Variants in NET1 observed in about 807,000 individuals in gnomAD.
The protein encoded by NET1 is neuroepithelial cell-transforming gene 1 protein.
NET1 carries 42 observed loss-of-function variants against 61.1 expected under a neutral mutation model. The ratio of observed to expected loss-of-function variants is 0.69; its 90% CI spans 0.54 to 0.89. The LOEUF (loss-of-function observed/expected upper bound fraction) is 0.89. Among genes scored for constraint, NET1 ranks in the 40% least tolerant of loss-of-function variants. NET1 has a pLI of 0.00. For missense variants in NET1, 654 were observed against 747.3 expected (o/e 0.88, Z 1.46); for synonymous variants, 254 against 281.8 (o/e 0.90, Z 0.99).
In NET1 at chr10:5,451,070, C is replaced by T. The variant is rs1832695211; in HGVS notation, c.256-760C>T. ...GTAATAGCTCAAACTGAGTATGTGC[C>T]AGGCACTGTTTCAAGCCATATTATT... On this transcript the variant is annotated intron_variant, in intron 3 of 11. Transcript: ENST00000355029. The surrounding 1 kb of genome is among the most constrained non-coding windows in gnomAD (Gnocchi z 6.1). Among the ~76,000 whole-genome samples, 1 of 152,058 alleles carries T rather than the reference C, an allele frequency of 6.6e-6. No individual in the cohort carries two copies.
intron 3 of NET1, among the ~76,000 whole-genome samples, chr10:5,450,384 C>A (rs1481357983): frequency 6.6e-6 from 1 of 151,896 alleles, no homozygotes; most frequent in Non-Finnish European, 1.5e-5. Context: ...ACATTTCTTT[C>A]CAAATAATGT....
Position 5,412,672 on chromosome 10 carries a change from C to G in NET1, c.-21C>G. On this transcript the variant is annotated 5_prime_UTR_variant, in exon 1 of 12. Coordinates refer to ENST00000355029, the MANE Select transcript of NET1 (RefSeq NM_001047160.3). This position sits in a 1 kb window ranked among gnomAD's most constrained non-coding sequence, Gnocchi z 6.5. ...CGGTCTCCCGGGCACCCGGCCACCG[C>G]CCCACCCCCTCCTCCGTGCCATGGA... 1 of 1,461,558 alleles carries G rather than the reference C, an allele frequency of 6.8e-7. No individual in the cohort carries two copies. Among genetic ancestry groups the G allele is most frequent in the Non-Finnish European group, 8.9e-7 (1 of 1,118,284 alleles). 90.5% of individuals were successfully genotyped at this position (1,461,558 alleles called of 1,614,324 possible). A position where few individuals can be genotyped will look rare whatever the true frequency, so the allele number is the denominator to read the frequency against.
At position 5,454,931 on chromosome 10, in the gene NET1, T is replaced by C; in HGVS notation, c.1027-17T>C. On this transcript the variant is annotated splice_polypyrimidine_tract_variant and intron_variant, in intron 9 of 11. Coordinates refer to ENST00000355029, the MANE Select transcript of NET1 (RefSeq NM_001047160.3). This position sits in a 1 kb window ranked among gnomAD's most constrained non-coding sequence, Gnocchi z 8.1. ...ATAAACTGAAGCTGCTCTGTCAATT[T>C]TATTTATCATTTTCAGATATTGATA... The C allele has an allele frequency of 6.2e-7, 1 of 1,611,168 alleles. No individual in the cohort carries two copies. The highest frequency in any genetic ancestry group is 8.5e-7 in the Non-Finnish European group (1 of 1,177,960).
Position 5,435,213 on chromosome 10 carries a change from A to G in NET1, c.255+5984A>G, listed in dbSNP as rs1832408774. 6.6e-6 allele frequency among the ~76,000 whole-genome samples: 1 copy of G among 152,168 alleles called. No homozygotes were observed. Among genetic ancestry groups the G allele is most frequent in the African/African-American group, 2.4e-5 (1 of 41,444 alleles). On this transcript the variant is annotated intron_variant, in intron 3 of 11. Transcript: ENST00000355029. The surrounding 1 kb of genome is among the most constrained non-coding windows in gnomAD (Gnocchi z 5.0). Reference sequence around the variant, plus strand: ...ATATGAATGGAGGAATAGGGGAGGAAATGAGGATAAGTGACATTGGGACCT... The same window carrying G: ...ATATGAATGGAGGAATAGGGGAGGAGATGAGGATAAGTGACATTGGGACCT...
At position 5,447,446 on chromosome 10, in the gene NET1, C is replaced by T. The variant is rs544881374; in HGVS notation, c.256-4384C>T. Among the ~76,000 whole-genome samples the T allele has an allele frequency of 2.0e-5, 3 of 152,234 alleles. No homozygotes were observed. In the East Asian group the frequency reaches 5.8e-4, roughly 29 times the overall value. On this transcript the variant is annotated intron_variant, in intron 3 of 11. Coordinates refer to ENST00000355029, the MANE Select transcript of NET1 (RefSeq NM_001047160.3). This position sits in a 1 kb window ranked among gnomAD's most constrained non-coding sequence, Gnocchi z 4.1. Reference sequence around the variant, plus strand: ...ACATTTATCAATATAAATCAAATTACTTTATGCCATTTTATGTAATCTTGA... The same window carrying T: ...ACATTTATCAATATAAATCAAATTATTTTATGCCATTTTATGTAATCTTGA...
At chr10:5,438,424 A>C (rs6601970) in intron 3 of NET1, among the ~76,000 whole-genome samples, 1 of 152,242 alleles carries the variant, frequency 6.6e-6, no homozygotes, top group South Asian at 2.1e-4. Flanking sequence ...CATATTGTAC[A>C]GAAATAAAAA....
chr10:5,419,236 TTTA>T (rs1419996485), intron 1 of NET1, among the ~76,000 whole-genome samples: 1 of 152,238 alleles, frequency 6.6e-6, no homozygotes, highest in Non-Finnish European at 1.5e-5. Flanking sequence ...TGTTTATCCC[TTTA>T]TTTTCAAGCT....
rs1291658152 is a variant in NET1, at chr10:5,458,871, T to G, written c.*1877T>G. On this transcript the variant is annotated 3_prime_UTR_variant, in exon 12 of 12. Transcript: ENST00000355029. This position sits in a 1 kb window ranked among gnomAD's most constrained non-coding sequence, Gnocchi z 4.5. ...AGATTTCTAATCATTTCCAGAGGTG[T>G]TGTATAGAATAGTTATTCCAGAGTT... Among the ~76,000 whole-genome samples, 1 of 152,188 alleles carries G rather than the reference T, an allele frequency of 6.6e-6. No individual in the cohort carries two copies. Among genetic ancestry groups the G allele is most frequent in the Non-Finnish European group, 1.5e-5 (1 of 68,030 alleles).
rs759987982 is a variant in NET1 at position 5,454,355 on chromosome 10, C to A, written c.859C>A (p.Gln287Lys). The A allele has an allele frequency of 6.2e-7, 1 of 1,614,022 alleles. No homozygotes were observed. The highest frequency in any genetic ancestry group is 8.5e-7 in the Non-Finnish European group (1 of 1,180,028). ...TCAAAAGAAACAGGATCCAAGAGTC[C>A]AAGACTTCCTCCAGCGATGTCTCGA... is the stretch of plus-strand genomic sequence containing the variant. The part of the protein sequence containing the change: ...LDQKKQDPRV[Q>K]DFLQRCLESP... Residue 287 changes from glutamine to lysine, a missense_variant, in exon 9 of 12, where the codon CAA (glutamine) becomes AAA (lysine). Physicochemically the swap from Gln to Lys is moderately conservative, Grantham distance 53. Transcript: ENST00000355029. This position sits in a 1 kb window ranked among gnomAD's most constrained non-coding sequence, Gnocchi z 8.1.
chr10:5,443,953 T>C lies in NET1; in HGVS notation c.256-7877T>C, dbSNP rs1458800892. Among the ~76,000 whole-genome samples the C allele has an allele frequency of 6.6e-6, 1 of 152,238 alleles. No individual in the cohort carries two copies. The highest frequency in any genetic ancestry group is 1.5e-5 in the Non-Finnish European group (1 of 68,042). ...TAATCCTTTATTCCCTTAGAAACTA[T>C]GTGGCCGTAAAGTATTGGCCTTACT... On this transcript the variant is annotated intron_variant, in intron 3 of 11. Coordinates refer to ENST00000355029, the MANE Select transcript of NET1 (RefSeq NM_001047160.3). This position sits in a 1 kb window ranked among gnomAD's most constrained non-coding sequence, Gnocchi z 4.8.
At chr10:5,432,626 G>A (rs1174556152) in intron 3 of NET1, among the ~76,000 whole-genome samples, 3 of 151,786 alleles carry the variant, frequency 2.0e-5, no homozygotes, top group African/African-American at 4.8e-5. Flanking sequence ...TTGTGTGACA[G>A]AATTATGTAG....
At position 5,453,416 on chromosome 10, in the gene NET1, C is replaced by G; in HGVS notation, c.692-68C>G. 2 of 1,582,658 alleles carry G rather than the reference C, an allele frequency of 1.3e-6. No homozygotes were observed. Among genetic ancestry groups the G allele is most frequent in the South Asian group, 2.2e-5 (2 of 90,476 alleles). ...TGCATGTAATTTTCAGTCTAAACTT[C>G]TAATGTAGTGCTGACCTATTTTTTA... On this transcript the variant is annotated intron_variant, in intron 7 of 11. Coordinates refer to ENST00000355029, the MANE Select transcript of NET1 (RefSeq NM_001047160.3). This position sits in a 1 kb window ranked among gnomAD's most constrained non-coding sequence, Gnocchi z 4.9.
Position 5,447,844 on chromosome 10 carries a change from C to T in NET1, c.256-3986C>T, listed in dbSNP as rs1400142814. 2.6e-5 allele frequency among the ~76,000 whole-genome samples: 4 copies of T among 152,296 alleles called. No individual in the cohort carries two copies. The highest frequency in any genetic ancestry group is 4.4e-5 in the Non-Finnish European group (3 of 68,028). On this transcript the variant is annotated intron_variant, in intron 3 of 11. Coordinates refer to ENST00000355029, the MANE Select transcript of NET1 (RefSeq NM_001047160.3). This position sits in a 1 kb window ranked among gnomAD's most constrained non-coding sequence, Gnocchi z 4.1. ...GTGTAAGTATTTCCTTTGAGTAGAG[C>T]AGTCATCCACAGTCACTAGTGTGAA...
At chr10:5,445,068 T>C (rs1832584798) in intron 3 of NET1, among the ~76,000 whole-genome samples, 1 of 152,232 alleles carries the variant, frequency 6.6e-6, no homozygotes. Flanking sequence ...TCAGTCATCT[T>C]TCAACCATCT....
At position 5,421,389 on chromosome 10, in the gene NET1, T is replaced by TTATTTCAAA. The variant is rs1832172359; in HGVS notation, c.129-5265_129-5264insATTTCAAAT. ...TGCAGATTTGAAATAATGCTGTCCA[T>TTATTTCAAA]TGGTAGAAAAATAATAGTATGACCT... On this transcript the variant is annotated intron_variant, in intron 1 of 11. Coordinates refer to ENST00000355029, the MANE Select transcript of NET1 (RefSeq NM_001047160.3). The surrounding 1 kb of genome is among the most constrained non-coding windows in gnomAD (Gnocchi z 4.2). 6.6e-6 allele frequency among the ~76,000 whole-genome samples: 1 copy of TTATTTCAAA among 152,236 alleles called. No individual in the cohort carries two copies. The highest frequency in any genetic ancestry group is 1.5e-5 in the Non-Finnish European group (1 of 68,044).
In NET1 at chr10:5,435,104, C is replaced by T. The variant is rs139373189; in HGVS notation, c.255+5875C>T. The stretch of plus-strand genomic sequence containing the variant: ...GATTGGCTAAAACAGAGATACTCAA[C>T]CCTGGCTGCAGATCAGAGTCACCTG... On this transcript the variant is annotated intron_variant, in intron 3 of 11. Coordinates refer to ENST00000355029, the MANE Select transcript of NET1 (RefSeq NM_001047160.3). The surrounding 1 kb of genome is among the most constrained non-coding windows in gnomAD (Gnocchi z 5.0). 2.0e-3 allele frequency among the ~76,000 whole-genome samples: 309 copies of T among 152,268 alleles called. 1 individual carries two copies. The highest frequency in any genetic ancestry group is 6.8e-3 in the Middle Eastern group (2 of 294).
chr10:5,434,324 C>T (rs1343926215), intron 3 of NET1, among the ~76,000 whole-genome samples: 1 of 152,230 alleles, frequency 6.6e-6, no homozygotes, highest in Admixed American at 6.5e-5. Flanking sequence ...CTGTTCTTCT[C>T]AGTCTGGAGT....
In NET1 at chr10:5,454,566, C is replaced by T; in HGVS notation, c.1026+44C>T. 1.3e-6 allele frequency: 2 copies of T among 1,575,912 alleles called. No homozygotes were observed. Among genetic ancestry groups the T allele is most frequent in the South Asian group, 2.4e-5 (2 of 84,372 alleles). On this transcript the variant is annotated intron_variant, in intron 9 of 11. Coordinates refer to ENST00000355029, the MANE Select transcript of NET1 (RefSeq NM_001047160.3). This position sits in a 1 kb window ranked among gnomAD's most constrained non-coding sequence, Gnocchi z 8.1. ...GATTGTTTTGTTTTTTAAGTTTATA[C>T]ATTAGGCTGCTTTAGAACGTTATCT... is the stretch of plus-strand genomic sequence containing the variant.
Position 5,415,897 on chromosome 10 carries a change from T to G in NET1, c.128+3077T>G, listed in dbSNP as rs951219163. On this transcript the variant is annotated intron_variant, in intron 1 of 11. Transcript: ENST00000355029. The surrounding 1 kb of genome is among the most constrained non-coding windows in gnomAD (Gnocchi z 4.7). ...CTTCGAAGCACAAAAATGTTTTAGT[T>G]TGTAGTCCTACTTGTCTATTTTTGC... Among the ~76,000 whole-genome samples the G allele has an allele frequency of 2.0e-5, 3 of 152,250 alleles. No homozygotes were observed. Among genetic ancestry groups the G allele is most frequent in the Non-Finnish European group, 4.4e-5 (3 of 68,040 alleles).
Sources: gnomAD v4.1 joint callset for allele counts (sites outside exome capture counted in the v4.1 genomes callset) on GRCh38, gnomAD v4.1.1 for gene constraint, Gnocchi (gnomAD v3.1) non-coding constraint, MANE v1.5 for transcripts, NCBI Gene and HGNC (gene_info 2026-07-23, HGNC 2026-07-21) for gene names.